The following PCDHGB4 variants were observed in gnomAD, a reference collection of about 807,000 sequenced individuals.
PCDHGB4 encodes protocadherin gamma-B4.
In PCDHGB4, 38 loss-of-function variants were observed where a neutral mutation model predicts 60.5. The ratio of observed to expected loss-of-function variants is 0.63; its 90% CI spans 0.48 to 0.82. The LOEUF (loss-of-function observed/expected upper bound fraction) is 0.82. PCDHGB4 is among the 40% of genes least tolerant of loss of function. PCDHGB4 has a pLI of 0.00. For synonymous variants in PCDHGB4, 456 were observed against 509.7 expected (o/e 0.89, Z 1.42); for missense variants, 1,109 against 1,209.6 (o/e 0.92, Z 1.23).
intron 1 of PCDHGB4, chr5:141,405,162 C>T: frequency 6.2e-7 from 1 of 1,614,098 alleles, no homozygotes; most frequent in Non-Finnish European, 8.5e-7. Flanking sequence ...GGTGTGCCCA[C>T]CTCACACTTT....
At chr5:141,424,171 C>A in intron 1 of PCDHGB4, 1 of 226,338 alleles carries the variant, frequency 4.4e-6, no homozygotes, top group Non-Finnish European at 8.0e-6. Flanking sequence ...ATCTATCTAT[C>A]TATACACATG....
At position 141,476,639 on chromosome 5, in the gene PCDHGB4, A is replaced by G; in HGVS notation, c.2398-18168A>G. 1.2e-6 allele frequency: 2 copies of G among 1,614,206 alleles called. No individual in the cohort carries two copies. Among genetic ancestry groups the G allele is most frequent in the Non-Finnish European group, 1.7e-6 (2 of 1,180,038 alleles). On this transcript the variant is annotated intron_variant, in intron 1 of 3. Transcript: ENST00000519479. The surrounding 1 kb of genome is among the most constrained non-coding windows in gnomAD (Gnocchi z 7.6). ...CAACTCTTTACAAACCTATGAGCTG[A>G]GCCGAAATGAATACTTTGCGCTTCG...
chr5:141,404,877 T>A (rs1242099855), intron 1 of PCDHGB4: 2 of 1,613,738 alleles, frequency 1.2e-6, no homozygotes, highest in Non-Finnish European at 1.7e-6. Flanking sequence ...AAACAGAGCC[T>A]TGTGGTGGCT....
intron 1 of PCDHGB4, chr5:141,408,748 T>A (rs757813921): frequency 2.5e-6 from 4 of 1,608,714 alleles, no homozygotes; most frequent in Non-Finnish European, 3.4e-6. Flanking sequence ...CATTAATGGT[T>A]AGAGTTAATT....
intron 1 of PCDHGB4, among the ~76,000 whole-genome samples, chr5:141,401,352 G>C (rs1381325058): frequency 6.6e-6 from 1 of 152,080 alleles, no homozygotes; most frequent in Non-Finnish European, 1.5e-5. Flanking sequence ...CAAAAAAAAG[G>C]AAGGAGAAGG....
chr5:141,418,730 G>GT, intron 1 of PCDHGB4: 1 of 1,613,952 alleles, frequency 6.2e-7, no homozygotes, highest in Non-Finnish European at 8.5e-7. Context: ...AGCTCAGCAC[G>GT]TGTTCTCTCT....
Position 141,423,601 on chromosome 5 carries a change from C to T in PCDHGB4, c.2397+33320C>T, listed in dbSNP as rs372165060. On this transcript the variant is annotated intron_variant, in intron 1 of 3. Transcript: ENST00000519479. The stretch of plus-strand genomic sequence containing the variant: ...GGAGAGCTGTGAGAAAAGCGAGCCA[C>T]TCTTGATAGCTGAAGACTCAGCTAT... The T allele has an allele frequency of 1.9e-6, 3 of 1,612,586 alleles. No homozygotes were observed. Among genetic ancestry groups the T allele is most frequent in the Admixed American group, 1.7e-5 (1 of 59,924 alleles).
rs1177043977 is a variant in PCDHGB4, at chr5:141,491,919, C to G, written c.2398-2888C>G. On this transcript the variant is annotated intron_variant, in intron 1 of 3. Coordinates refer to ENST00000519479, the MANE Select transcript of PCDHGB4 (RefSeq NM_003736.4). The surrounding 1 kb of genome is among the most constrained non-coding windows in gnomAD (Gnocchi z 6.9). ...CACCGGGGGTGGTGGCGACTGTGGG[C>G]GAGGGGAGGTGGGACCGACCCCCAC... 5 of 1,361,900 alleles carry G rather than the reference C, an allele frequency of 3.7e-6. No homozygotes were observed. The South Asian group carries it at 7.8e-5, about 21-fold the overall frequency. The allele number at this position is 1,361,900 out of a possible 1,614,324, so 84.4% of individuals were successfully genotyped here. A position where few individuals can be genotyped will look rare whatever the true frequency, so the allele number is the denominator to read the frequency against.
chr5:141,501,343 C>T (rs1202291965), intron 2 of PCDHGB4, among the ~76,000 whole-genome samples: 1 of 150,430 alleles, frequency 6.6e-6, no homozygotes, highest in Non-Finnish European at 1.5e-5. Context: ...ACCCCAAACT[C>T]AATAGGGCAA....
chr5:141,499,037 G>A (rs912832519), intron 2 of PCDHGB4, among the ~76,000 whole-genome samples: 1 of 150,904 alleles, frequency 6.6e-6, no homozygotes, highest in South Asian at 2.1e-4. Context: ...AGAAAAGAAA[G>A]AAAAAGGGAG....
At chr5:141,423,761 TG>T in intron 1 of PCDHGB4, 1 of 156,420 alleles carries the variant, frequency 6.4e-6, no homozygotes, top group Non-Finnish European at 9.2e-6. Context: ...GGGGGGGGGG[TG>T]GGGCGGCATA....
In PCDHGB4 at chr5:141,512,022, C is replaced by T. The variant is rs2154594692; in HGVS notation, c.*849C>T. The T allele has an allele frequency of 6.5e-6, 1 of 152,990 alleles. No individual in the cohort carries two copies. The highest frequency in any genetic ancestry group is 1.9e-4 in the East Asian group (1 of 5,186). The allele number at this position is 152,990 out of a possible 1,614,324, so 9.5% of individuals were successfully genotyped here. A position where few individuals can be genotyped will look rare whatever the true frequency, so the allele number is the denominator to read the frequency against. The stretch of plus-strand genomic sequence containing the variant: ...AGCTTGACACATCAAGTTATCAAGG[C>T]CTTGGAGGAGGCTCTGTATGTCCTC... On this transcript the variant is annotated 3_prime_UTR_variant, in exon 4 of 4. Transcript: ENST00000519479.
At position 141,483,010 on chromosome 5, in the gene PCDHGB4, G is replaced by A. The variant is rs574078222; in HGVS notation, c.2398-11797G>A. Among the ~76,000 whole-genome samples the A allele has an allele frequency of 1.3e-3, 204 of 152,122 alleles. 1 individual carries two copies. Among genetic ancestry groups the A allele is most frequent in the African/African-American group, 4.0e-3 (168 of 41,498 alleles). On this transcript the variant is annotated intron_variant, in intron 1 of 3. Coordinates refer to ENST00000519479, the MANE Select transcript of PCDHGB4 (RefSeq NM_003736.4). Reference sequence around the variant, plus strand: ...CGAGGCAGGAGAATTGCTTGAACCCGGGAGGCAGAGGTTGCAATGAGCTGG... The same window carrying A: ...CGAGGCAGGAGAATTGCTTGAACCCAGGAGGCAGAGGTTGCAATGAGCTGG...
intron 2 of PCDHGB4, among the ~76,000 whole-genome samples, chr5:141,502,787 G>T (rs2099816081): frequency 6.6e-6 from 1 of 151,394 alleles, no homozygotes; most frequent in African/African-American, 2.4e-5. Flanking sequence ...TTACCTGGAT[G>T]ATTTCTTCAG....
chr5:141,428,040 G>T, intron 1 of PCDHGB4: 1 of 1,608,668 alleles, frequency 6.2e-7, no homozygotes, highest in Non-Finnish European at 8.5e-7. Flanking sequence ...CGGCTACCTG[G>T]TGACCAAGGT....
intron 1 of PCDHGB4, chr5:141,416,346 T>A (rs2096017940): frequency 6.6e-6 from 1 of 152,238 alleles, no homozygotes; most frequent in African/African-American, 2.4e-5. Flanking sequence ...TCAATAGGGA[T>A]CCTGAGGAGG....
chr5:141,452,010 G>A (rs955708033), intron 1 of PCDHGB4, among the ~76,000 whole-genome samples: 1 of 152,192 alleles, frequency 6.6e-6, no homozygotes, highest in African/African-American at 2.4e-5. Context: ...ACTTGGTCCA[G>A]CCCACACTCT....
intron 1 of PCDHGB4, among the ~76,000 whole-genome samples, chr5:141,453,288 ATTAT>A (rs577328880): frequency 4.0e-5 from 6 of 151,342 alleles, no homozygotes; most frequent in Admixed American, 1.3e-4. Context: ...TAATTTTTTA[ATTAT>A]TTATTTATTT....
At chr5:141,424,525 A>G (rs1010194490) in intron 1 of PCDHGB4, 2 of 152,196 alleles carry the variant, frequency 1.3e-5, no homozygotes, top group Non-Finnish European at 2.9e-5. Context: ...TAGTAAATCC[A>G]TATATAGAAA....
Sources: gnomAD v4.1 joint callset for allele counts (sites outside exome capture counted in the v4.1 genomes callset) on GRCh38, gnomAD v4.1.1 for gene constraint, Gnocchi (gnomAD v3.1) non-coding constraint, MANE v1.5 for transcripts, NCBI Gene and HGNC (gene_info 2026-07-23, HGNC 2026-07-21) for gene names.